The following AKR1B1 variants were observed in gnomAD, a reference collection of about 807,000 sequenced individuals.
AKR1B1 encodes aldo-keto reductase family 1 member B1.
Under a neutral mutation model 40.4 loss-of-function variants are expected in AKR1B1, and 22 were observed. The observed-to-expected ratio is 0.54, with a 90% CI of 0.39 to 0.78. The LOEUF is 0.78. Among genes scored for constraint, AKR1B1 ranks in the 30% least tolerant of loss-of-function variants. AKR1B1 has a pLI of 0.00. For synonymous variants in AKR1B1, 157 were observed against 149.9 expected (o/e 1.05, Z -0.35); for missense variants, 357 against 396.7 (o/e 0.90, Z 0.85).
Position 134,445,321 on chromosome 7 carries a change from C to A in AKR1B1, c.826-1G>T. The stretch of plus-strand genomic sequence containing the variant: ...GGCTGCTCAGTTCAAAGTCAAAGAC[C>A]TAAAAAACAAACAAAAAAATCCAGT... On this transcript the variant is annotated splice_acceptor_variant, in intron 8 of 9. Coordinates refer to ENST00000285930, the MANE Select transcript of AKR1B1 (RefSeq NM_001628.4). LOFTEE classifies it high-confidence loss of function. 1.2e-6 allele frequency: 2 copies of A among 1,611,396 alleles called. No homozygotes were observed. The highest frequency in any genetic ancestry group is 1.7e-6 in the Non-Finnish European group (2 of 1,178,980).
intron 1 of AKR1B1, among the ~76,000 whole-genome samples, chr7:134,454,769 G>GA (rs1461749289): frequency 3.5e-4 from 54 of 152,218 alleles, no homozygotes; most frequent in African/African-American, 1.2e-3. Flanking sequence ...GGAAGCATGA[G>GA]AATGCTGTGC....
In AKR1B1 at chr7:134,449,702, A is replaced by G. The variant is rs552122943; in HGVS notation, c.429+18T>C. 2.5e-6 allele frequency: 4 copies of G among 1,610,178 alleles called. No individual in the cohort carries two copies. In the South Asian group the frequency reaches 3.3e-5, roughly 13 times the overall value. On this transcript the variant is annotated intron_variant, in intron 4 of 9. Transcript: ENST00000285930. The stretch of plus-strand genomic sequence containing the variant: ...GGAACCAGTCACGAAAACAAGGTCC[A>G]ACCAGGGGCTGTCTTACCGCCCACG...
intron 8 of AKR1B1, 101 bp from the exon 9 acceptor site, chr7:134,445,421 G>A: frequency 1.1e-6 from 1 of 948,086 alleles, no homozygotes; most frequent in Non-Finnish European, 1.7e-6. Context: ...GAGCAGAGAG[G>A]AGCGATAAGA....
intron 1 of AKR1B1, among the ~76,000 whole-genome samples, chr7:134,453,590 G>C (rs571484523): frequency 6.6e-6 from 1 of 152,084 alleles, no homozygotes; most frequent in Admixed American, 6.5e-5. Flanking sequence ...GGAACCAAAA[G>C]AGCACAGACT....
At chr7:134,451,409 A>T in intron 2 of AKR1B1, 177 bp downstream of exon 2, 2 of 749,330 alleles carry the variant, frequency 2.7e-6, no homozygotes, top group South Asian at 3.2e-5. Context: ...CATTCAACAG[A>T]GAGCCAAGGA....
chr7:134,454,777 T>C (rs1327715386), intron 1 of AKR1B1, among the ~76,000 whole-genome samples: 6 of 152,224 alleles, frequency 3.9e-5, no homozygotes, highest in African/African-American at 1.4e-4. Context: ...GAGAATGCTG[T>C]GCTGATAATC....
rs746868477 is a variant in AKR1B1 at position 134,449,751 on chromosome 7, G to A, written c.398C>T (p.Pro133Leu). The change falls in exon 4 of 10, where the codon CCC becomes CTC. Residue 133 changes from proline to leucine, a missense_variant. By Grantham distance (98) the Pro-to-Leu change is moderately conservative. Coordinates refer to ENST00000285930, the MANE Select transcript of AKR1B1 (RefSeq NM_001628.4). ...CGTGTCCAGAATGTTGGTGTCACTGGGAACCACATTGCCCGACTCATCCAA... is the reference window on the plus strand; with the variant it reads ...CGTGTCCAGAATGTTGGTGTCACTGAGAACCACATTGCCCGACTCATCCAA... The part of the protein sequence containing the change: ...FPLDESGNVV[P>L]SDTNILDTWA... 9.9e-6 allele frequency: 16 copies of A among 1,614,058 alleles called. No individual in the cohort carries two copies. Among genetic ancestry groups the A allele is most frequent in the Non-Finnish European group, 1.4e-5 (16 of 1,179,976 alleles).
At chr7:134,458,603 G>A (rs1298016443) in intron 1 of AKR1B1, among the ~76,000 whole-genome samples, 1 of 152,150 alleles carries the variant, frequency 6.6e-6, no homozygotes, top group Non-Finnish European at 1.5e-5. Context: ...CCACGTCCCT[G>A]TCTGCGCCCG....
intron 4 of AKR1B1, chr7:134,449,436 A>C (rs1300273154): frequency 5.3e-6 from 3 of 560,840 alleles, no homozygotes; most frequent in East Asian, 6.1e-5. Flanking sequence ...AATACAAAAA[A>C]ATTAGCCGGG....
At chr7:134,447,439 CTCAG>C in intron 7 of AKR1B1, 58 bp from the exon 8 acceptor site, 4 of 1,420,006 alleles carry the variant, frequency 2.8e-6, no homozygotes, top group Non-Finnish European at 4.0e-6. Context: ...CACCCATCAT[CTCAG>C]TCTCTCACAC....
chr7:134,446,329 G>C (rs1806095075), intron 8 of AKR1B1, among the ~76,000 whole-genome samples: 1 of 152,198 alleles, frequency 6.6e-6, no homozygotes, highest in Non-Finnish European at 1.5e-5. Context: ...CCTCTTCAGG[G>C]ATCACTCTCA....
chr7:134,443,779 C>T (rs1799819279), intron 9 of AKR1B1, among the ~76,000 whole-genome samples: 1 of 152,084 alleles, frequency 6.6e-6, no homozygotes, highest in South Asian at 2.1e-4. Context: ...TTCAAAAGTT[C>T]TCCATGGTCT....
chr7:134,452,297 T>C (rs1748273580), intron 1 of AKR1B1, among the ~76,000 whole-genome samples: 1 of 151,748 alleles, frequency 6.6e-6, no homozygotes, highest in Admixed American at 6.6e-5. Flanking sequence ...GTTAAGCACA[T>C]CACTGATGTT....
intron 3 of AKR1B1, 102 bp from the exon 4 acceptor site, chr7:134,449,899 G>T: frequency 1.1e-6 from 1 of 929,938 alleles, no homozygotes. Context: ...AACCACCACA[G>T]CTGGCTAGGG....
intron 7 of AKR1B1, chr7:134,447,743 C>T (rs182290813): frequency 1.9e-4 from 122 of 634,110 alleles, no homozygotes; most frequent in Admixed American, 4.1e-4. Flanking sequence ...AATGAACAAG[C>T]GCTGGCCCTC....
At chr7:134,452,576 C>A (rs956113459) in intron 1 of AKR1B1, among the ~76,000 whole-genome samples, 1 of 152,222 alleles carries the variant, frequency 6.6e-6, no homozygotes, top group African/African-American at 2.4e-5. Context: ...GAAGTGCCTA[C>A]ATGGCATCGC....
chr7:134,449,613 A>T, intron 4 of AKR1B1, 107 bp downstream of exon 4: 1 of 967,472 alleles, frequency 1.0e-6, no homozygotes, highest in African/African-American at 1.6e-5. Flanking sequence ...AGAGCAAACA[A>T]CAGGGACAGA....
At chr7:134,458,904 G>A (rs1022131944) in intron 1 of AKR1B1, 93 bp downstream of exon 1, 1 of 1,412,762 alleles carries the variant, frequency 7.1e-7, no homozygotes, top group Non-Finnish European at 9.7e-7. Flanking sequence ...TCCGCGGGGC[G>A]AGCTGCTCAG....
At chr7:134,457,663 G>T (rs1450338914) in intron 1 of AKR1B1, among the ~76,000 whole-genome samples, 1 of 152,026 alleles carries the variant, frequency 6.6e-6, no homozygotes, top group Non-Finnish European at 1.5e-5. Context: ...TTCTTCCCTT[G>T]TCTGTGTGTA....
Sources: allele counts gnomAD v4.1 joint callset (sites outside exome capture counted in the v4.1 genomes callset), GRCh38; gene constraint gnomAD v4.1.1; transcripts MANE v1.5; gene names NCBI Gene and HGNC (gene_info 2026-07-23, HGNC 2026-07-21).